The following DAGLB variants were observed in gnomAD, a reference collection of about 807,000 sequenced individuals.
The protein encoded by DAGLB is diacylglycerol lipase beta.
Under a neutral mutation model 72.1 loss-of-function variants are expected in DAGLB, and 66 were observed. The ratio of observed to expected loss-of-function variants is 0.92; its 90% CI spans 0.75 to 1.12. The LOEUF (loss-of-function observed/expected upper bound fraction) is 1.12. DAGLB is among the 50% of genes most tolerant of loss of function. The pLI, the probability that DAGLB is intolerant of heterozygous loss-of-function variation, is 0.00. For missense variants in DAGLB, 1,065 were observed against 884.9 expected, an observed-to-expected ratio of 1.20 and a Z score of -2.58; for synonymous variants, 414 against 359.5, an observed-to-expected ratio of 1.15 and a Z score of -1.71.
At chr7:6,430,710 C>A in intron 5 of DAGLB, 103 bp from the exon 6 acceptor site, 2 of 1,272,204 alleles carry the variant, frequency 1.6e-6, no homozygotes, top group Non-Finnish European at 2.0e-6. Context: ...ACTCTTCCTG[C>A]TCCTTCGTTG....
chr7:6,409,583 C>T lies in DAGLB; in HGVS notation c.*254G>A, dbSNP rs926824234. 1.5e-5 allele frequency: 8 copies of T among 541,960 alleles called. No homozygotes were observed. Among genetic ancestry groups the T allele is most frequent in the Middle Eastern group, 4.9e-4 (1 of 2,024 alleles). The allele number at this position is 541,960 out of a possible 1,614,324, so 33.6% of individuals were successfully genotyped here. A position where few individuals can be genotyped will look rare whatever the true frequency, so the allele number is the denominator to read the frequency against. On this transcript the variant is annotated 3_prime_UTR_variant, in exon 15 of 15. Transcript: ENST00000297056. ...GATCCATCCACGGGCCAGGGCTTCC[C>T]GAGGCTGTCTCCACGGTCGCTGGGT...
At chr7:6,427,344 T>C (rs930237512) in intron 6 of DAGLB, among the ~76,000 whole-genome samples, 1 of 151,998 alleles carries the variant, frequency 6.6e-6, no homozygotes, top group Non-Finnish European at 1.5e-5. Flanking sequence ...CTCTGTGGCT[T>C]TGGACTAGAA....
intron 2 of DAGLB, among the ~76,000 whole-genome samples, chr7:6,438,862 T>TG (rs1784742246): frequency 9.4e-6 from 1 of 106,516 alleles, no homozygotes; most frequent in South Asian, 2.8e-4. Flanking sequence ...TTAAAAAAGA[T>TG]AATGATGATG....
At chr7:6,447,439 C>G (rs1785044799) in intron 1 of DAGLB, among the ~76,000 whole-genome samples, 1 of 152,196 alleles carries the variant, frequency 6.6e-6, no homozygotes, top group Non-Finnish European at 1.5e-5. Context: ...CTCGTGGCAC[C>G]CCAGGGCCAG....
Position 6,410,117 on chromosome 7 carries a change from A to T in DAGLB, c.1820+13T>A, listed in dbSNP as rs1294343503. 10 of 1,575,694 alleles carry T rather than the reference A, an allele frequency of 6.3e-6. No individual in the cohort carries two copies. Among genetic ancestry groups the T allele is most frequent in the Non-Finnish European group, 8.6e-6 (10 of 1,158,494 alleles). ...CTCCTGCCTGCCCACCACACCCACC[A>T]CGCCGCACTCACCGCCCCGAGGCGC... On this transcript the variant is annotated intron_variant, in intron 14 of 14. Coordinates refer to ENST00000297056, the MANE Select transcript of DAGLB (RefSeq NM_139179.4).
intron 13 of DAGLB, 95 bp downstream of exon 13, chr7:6,412,716 C>T: frequency 1.5e-6 from 2 of 1,337,000 alleles, no homozygotes; most frequent in East Asian, 2.5e-5. Context: ...GCATAGAGTG[C>T]CCTGCACTGA....
chr7:6,430,959 A>G (rs1784469021), intron 5 of DAGLB, among the ~76,000 whole-genome samples: 2 of 152,040 alleles, frequency 1.3e-5, no homozygotes, highest in African/African-American at 4.8e-5. Flanking sequence ...TATTTTTAGT[A>G]GAGACGGGGT....
chr7:6,427,568 G>A (rs1206197442), intron 6 of DAGLB, among the ~76,000 whole-genome samples: 1 of 152,108 alleles, frequency 6.6e-6, no homozygotes, highest in Non-Finnish European at 1.5e-5. Context: ...TGAGGTGAGA[G>A]AACCCCGTCT....
rs117763067 is a variant in DAGLB at position 6,410,040 on chromosome 7, A to G, written c.1821-5T>C. 2 of 1,611,652 alleles carry G rather than the reference A, an allele frequency of 1.2e-6. No individual in the cohort carries two copies. Among genetic ancestry groups the G allele is most frequent in the Admixed American group, 3.3e-5 (2 of 59,896 alleles). ...GCAGCAGAGCAGCAGCCAAACCTGA[A>G]GCAGAAAAGGAGAGACAGCTCCCAC... On this transcript the variant is annotated splice_polypyrimidine_tract_variant and splice_region_variant and intron_variant, in intron 14 of 14. Coordinates refer to ENST00000297056, the MANE Select transcript of DAGLB (RefSeq NM_139179.4).
chr7:6,433,060 C>T, intron 4 of DAGLB, 101 bp from the exon 5 acceptor site: 3 of 1,484,496 alleles, frequency 2.0e-6, no homozygotes, highest in Non-Finnish European at 1.8e-6. Context: ...TTCACGCACA[C>T]ACAGACATTT....
intron 1 of DAGLB, among the ~76,000 whole-genome samples, chr7:6,446,417 G>T (rs563754541): frequency 6.7e-4 from 98 of 145,200 alleles, no homozygotes; most frequent in African/African-American, 2.4e-3. Context: ...CGTGGAGGTG[G>T]CAGTGAGCCG....
rs145524064 is a variant in DAGLB at position 6,443,973 on chromosome 7, T to A, written c.247+1980A>T. Among the ~76,000 whole-genome samples, 334 of 152,184 alleles carry A rather than the reference T, an allele frequency of 2.2e-3. 3 individuals are homozygous for A. The highest frequency in any genetic ancestry group is 7.7e-3 in the African/African-American group (318 of 41,528). ...AAAACTGTAACACATATAAAAAATA[T>A]GAAGAATAGGTGATCAGACGCGGTG... is the stretch of plus-strand genomic sequence containing the variant. On this transcript the variant is annotated intron_variant, in intron 2 of 14. Transcript: ENST00000297056.
In DAGLB at chr7:6,446,196, C is replaced by T. The variant is rs558164148; in HGVS notation, c.96-92G>A. ...CAAAGAAATAAAAGGGGACAGGGCG[C>T]GGTGGCTCACACCTGTAATCACAGC... On this transcript the variant is annotated intron_variant, in intron 1 of 14. Coordinates refer to ENST00000297056, the MANE Select transcript of DAGLB (RefSeq NM_139179.4). The T allele has an allele frequency of 3.7e-4, 504 of 1,354,214 alleles. 3 individuals are homozygous for T. The Middle Eastern group carries it at 0.014, about 39-fold the overall frequency. The allele number at this position is 1,354,214 out of a possible 1,614,324, so 83.9% of individuals were successfully genotyped here.
intron 11 of DAGLB, among the ~76,000 whole-genome samples, chr7:6,414,960 G>A (rs1305052768): frequency 1.3e-5 from 2 of 152,056 alleles, no homozygotes; most frequent in Non-Finnish European, 2.9e-5. Flanking sequence ...CTTGAGCCCA[G>A]GAGTTCAAGA....
At chr7:6,416,418 C>G (rs1031555467) in intron 11 of DAGLB, 1 of 567,626 alleles carries the variant, frequency 1.8e-6, no homozygotes, top group South Asian at 3.7e-5. Context: ...TGGCGGGTGT[C>G]TGTAGTCCCA....
At chr7:6,439,047 G>C (rs1269605490) in intron 2 of DAGLB, among the ~76,000 whole-genome samples, 1 of 152,012 alleles carries the variant, frequency 6.6e-6, no homozygotes, top group Non-Finnish European at 1.5e-5. Flanking sequence ...CTGAGCTCAG[G>C]AGTTTGAGAC....
chr7:6,420,502 C>A (rs930609746), intron 9 of DAGLB, among the ~76,000 whole-genome samples: 1 of 151,868 alleles, frequency 6.6e-6, no homozygotes, highest in African/African-American at 2.4e-5. Context: ...GATTCCACTT[C>A]TGTGGGGTTC....
At chr7:6,422,061 G>T in intron 8 of DAGLB, 1 of 584,176 alleles carries the variant, frequency 1.7e-6, no homozygotes, top group Non-Finnish European at 3.2e-6. Flanking sequence ...CACGCCCTGC[G>T]CCTTCCCCAT....
At chr7:6,429,960 C>T (rs1050445589) in intron 6 of DAGLB, among the ~76,000 whole-genome samples, 13 of 151,970 alleles carry the variant, frequency 8.6e-5, no homozygotes, top group Admixed American at 7.9e-4. Flanking sequence ...AGGAGAATGG[C>T]GTGAACCAGG....
Sources: gnomAD v4.1 joint callset for allele counts (sites outside exome capture counted in the v4.1 genomes callset) on GRCh38, gnomAD v4.1.1 for gene constraint, MANE v1.5 for transcripts, NCBI Gene and HGNC (gene_info 2026-07-23, HGNC 2026-07-21) for gene names.